The following DYNC2I1 variants were observed in gnomAD, a reference collection of about 807,000 sequenced individuals.
DYNC2I1 encodes dynein 2 intermediate chain 1, also known as cytoplasmic dynein 2 intermediate chain 1.
A neutral mutation model predicts 133.4 loss-of-function variants in DYNC2I1; 89 were observed. That is an observed-to-expected ratio of 0.67 (90% CI 0.56 to 0.80). The LOEUF is 0.80. Among genes scored for constraint, DYNC2I1 ranks in the 30% least tolerant of loss-of-function variants. The probability of loss-of-function intolerance (pLI) is 0.00; values close to 1 mark genes in which losing one functional copy is unlikely to be tolerated. For synonymous variants in DYNC2I1, 504 were observed against 484.3 expected, an observed-to-expected ratio of 1.04 and a Z score of -0.54; for missense variants, 1,291 against 1,314.5, an observed-to-expected ratio of 0.98 and a Z score of 0.28.
At chr7:158,844,900 C>T in the DYNC2I1 span, among the ~76,000 whole-genome samples, 1 of 152,166 alleles carries the variant, frequency 6.6e-6, no homozygotes, top group Non-Finnish European at 1.5e-5. Flanking sequence ...GGATTGCAGG[C>T]GTGAGCCACT....
At chr7:158,870,004 T>G in intron 2 of DYNC2I1, 96 bp downstream of exon 2, 2 of 1,043,716 alleles carry the variant, frequency 1.9e-6, no homozygotes, top group Non-Finnish European at 2.9e-6. Context: ...ATAACTTTGG[T>G]TATGTGTGCC....
At chr7:158,938,581 A>C (rs972420966) in intron 23 of DYNC2I1, among the ~76,000 whole-genome samples, 1 of 152,122 alleles carries the variant, frequency 6.6e-6, no homozygotes, top group Admixed American at 6.6e-5. Context: ...ACATGATGAA[A>C]TATGTCTCTA....
At chr7:158,867,660 C>T (rs999793046) in intron 1 of DYNC2I1, among the ~76,000 whole-genome samples, 3 of 152,006 alleles carry the variant, frequency 2.0e-5, no homozygotes, top group Non-Finnish European at 2.9e-5. Flanking sequence ...CGTGGGGGGA[C>T]GTTAGGGTGC....
chr7:158,886,081 T>G (rs1049485816), intron 6 of DYNC2I1, among the ~76,000 whole-genome samples: 2 of 150,036 alleles, frequency 1.3e-5, no homozygotes, highest in Admixed American at 1.3e-4. Context: ...ATATTTAATA[T>G]AAAATAGTAT....
At chr7:158,844,289 T>C in the DYNC2I1 span, among the ~76,000 whole-genome samples, 1 of 151,742 alleles carries the variant, frequency 6.6e-6, no homozygotes, top group South Asian at 2.1e-4. Flanking sequence ...TTGTGTTCGT[T>C]AACCAAAATG....
intron 16 of DYNC2I1, 148 bp from the exon 17 acceptor site, chr7:158,923,423 C>G: frequency 9.8e-7 from 1 of 1,019,704 alleles, no homozygotes; most frequent in Non-Finnish European, 1.5e-6. Flanking sequence ...TATTTCTGTG[C>G]AGGAGTCTAC....
intron 17 of DYNC2I1, among the ~76,000 whole-genome samples, chr7:158,925,105 C>T (rs1365165225): frequency 6.6e-6 from 1 of 152,154 alleles, no homozygotes; most frequent in Non-Finnish European, 1.5e-5. Flanking sequence ...AAATAAACTC[C>T]CAGTAGTGAG....
chr7:158,886,066 C>A (rs913121697), intron 6 of DYNC2I1, among the ~76,000 whole-genome samples: 1 of 148,392 alleles, frequency 6.7e-6, no homozygotes, highest in Non-Finnish European at 1.5e-5. Flanking sequence ...TTATATATAT[C>A]TTTTATATTT....
chr7:158,885,173 C>A (rs558789573), intron 6 of DYNC2I1, among the ~76,000 whole-genome samples: 2 of 152,084 alleles, frequency 1.3e-5, no homozygotes. Flanking sequence ...GATAACATTC[C>A]GCCCTCAGGC....
chr7:158,858,599 A>G (rs1487697667), intron 1 of DYNC2I1, among the ~76,000 whole-genome samples: 3 of 152,114 alleles, frequency 2.0e-5, no homozygotes, highest in East Asian at 3.9e-4. Flanking sequence ...TTAGTGTCAT[A>G]TTACCTGTTT....
At chr7:158,909,603 G>T (rs1847183063) in intron 11 of DYNC2I1, among the ~76,000 whole-genome samples, 1 of 152,104 alleles carries the variant, frequency 6.6e-6, no homozygotes, top group Non-Finnish European at 1.5e-5. Flanking sequence ...GCTAAAACAA[G>T]GGTAAAAGTT....
chr7:158,942,183 T>G (rs921511479), intron 24 of DYNC2I1, 35 bp downstream of exon 24: 11 of 1,486,196 alleles, frequency 7.4e-6, no homozygotes, highest in Admixed American at 7.1e-5. Flanking sequence ...CTGCTGGTTG[T>G]GGGGGGGCTT....
At chr7:158,906,743 C>G (rs913540620) in intron 11 of DYNC2I1, among the ~76,000 whole-genome samples, 1 of 152,190 alleles carries the variant, frequency 6.6e-6, no homozygotes, top group Non-Finnish European at 1.5e-5. Flanking sequence ...CAGGCATGAG[C>G]CAGCATGCCT....
intron 9 of DYNC2I1, 50 bp from the exon 10 acceptor site, chr7:158,902,326 T>C: frequency 6.6e-7 from 1 of 1,518,954 alleles, no homozygotes; most frequent in Non-Finnish European, 9.0e-7. Context: ...GAGGGATAAT[T>C]GAAAGTCAGT....
At chr7:158,867,478 G>A (rs1014791878) in intron 1 of DYNC2I1, among the ~76,000 whole-genome samples, 7 of 152,218 alleles carry the variant, frequency 4.6e-5, no homozygotes, top group Admixed American at 1.3e-4. Flanking sequence ...GGAGACCAGC[G>A]CGGATCTTGT....
At position 158,941,916 on chromosome 7, in the gene DYNC2I1, T is replaced by A. The variant is rs780633178; in HGVS notation, c.2779-9T>A. On this transcript the variant is annotated splice_polypyrimidine_tract_variant and intron_variant, in intron 23 of 24. Transcript: ENST00000407559. ...CATGCTCAGCAGTGTTCTTTCTTCCTGGTCATAGGCCGGCTGTTCGGACGG... is the reference window on the plus strand; with the variant it reads ...CATGCTCAGCAGTGTTCTTTCTTCCAGGTCATAGGCCGGCTGTTCGGACGG... 4 of 1,589,664 alleles carry A rather than the reference T, an allele frequency of 2.5e-6. No homozygotes were observed. The highest frequency in any genetic ancestry group is 3.6e-5 in the Admixed American group (2 of 56,262).
intron 5 of DYNC2I1, among the ~76,000 whole-genome samples, chr7:158,883,925 A>G (rs1479692205): frequency 6.6e-6 from 1 of 151,512 alleles, no homozygotes; most frequent in Non-Finnish European, 1.5e-5. Flanking sequence ...CGGCCTCCCA[A>G]AGTGCTGGGA....
At chr7:158,874,984 C>T (rs779914913) in intron 3 of DYNC2I1, among the ~76,000 whole-genome samples, 14 of 152,126 alleles carry the variant, frequency 9.2e-5, no homozygotes, top group Non-Finnish European at 1.9e-4. Context: ...CTTTCTCTTC[C>T]AGTCTCTTGG....
At chr7:158,957,023 C>T (rs1043910201), downstream of DYNC2I1, among the ~76,000 whole-genome samples, 2 of 152,170 alleles carry the variant, frequency 1.3e-5, no homozygotes, top group African/African-American at 4.8e-5. Flanking sequence ...TCCTCTCCAG[C>T]CCTGAACTGG....
Sources: allele counts gnomAD v4.1 joint callset (sites outside exome capture counted in the v4.1 genomes callset), GRCh38; gene constraint gnomAD v4.1.1; transcripts MANE v1.5; gene names NCBI Gene and HGNC (gene_info 2026-07-23, HGNC 2026-07-21).